The following COBL variants were observed in gnomAD, a reference collection of about 807,000 sequenced individuals.
The protein encoded by COBL is cordon-bleu WH2 repeat protein, also known as protein cordon-bleu.
In COBL, 51 loss-of-function variants were observed where a neutral mutation model predicts 98.8. That is an observed-to-expected ratio of 0.52 (90% CI 0.41 to 0.65). The LOEUF is 0.65. Ranked by LOEUF, COBL falls within the 30% of genes least tolerant of loss-of-function variation. The pLI is 0.00. For missense variants in COBL, 1,617 were observed against 1,617.5 expected (o/e 1.00, Z 0.01); for synonymous variants, 634 against 651.7 (o/e 0.97, Z 0.41).
intron 6 of COBL, among the ~76,000 whole-genome samples, chr7:51,094,237 G>T (rs1437492): frequency 0.56 from 84,819 of 151,452 alleles, 24,347 homozygotes; most frequent in Middle Eastern, 0.69. Context: ...AGAGGAGAGA[G>T]AGGAAAAGAG....
At chr7:51,131,060 T>A (rs1798690953) in intron 6 of COBL, among the ~76,000 whole-genome samples, 1 of 152,212 alleles carries the variant, frequency 6.6e-6, no homozygotes, top group Non-Finnish European at 1.5e-5. Flanking sequence ...TAATAACTGA[T>A]CATAACACAG....
At chr7:51,053,528 G>A (rs984821810) in intron 7 of COBL, among the ~76,000 whole-genome samples, 1 of 152,246 alleles carries the variant, frequency 6.6e-6, no homozygotes, top group Non-Finnish European at 1.5e-5. Flanking sequence ...ACAGAAAAGA[G>A]CATTCTTTGA....
intron 6 of COBL, among the ~76,000 whole-genome samples, chr7:51,090,670 T>G (rs193262706): frequency 3.3e-5 from 5 of 152,298 alleles, no homozygotes; most frequent in Middle Eastern, 3.4e-3. Flanking sequence ...CACAGCTCAG[T>G]GCAATCAAGA....
Position 51,028,999 on chromosome 7 carries a change from GT to G in COBL, c.2096del (p.Tyr699SerfsTer42). ...HQRGQNPGKS[Y>X]RLKHGLTTYK... Reference sequence around the variant, plus strand: ...ACGTTGTGAGGCCGTGCTTAAGTCTGTAGCTTTTCCCTGGGTTTTGGCCTCG... The same window carrying G: ...ACGTTGTGAGGCCGTGCTTAAGTCTGAGCTTTTCCCTGGGTTTTGGCCTCG... On this transcript the variant is annotated frameshift_variant, in exon 10 of 13. Transcript: ENST00000265136. LOFTEE classifies it high-confidence loss of function. The G allele has an allele frequency of 1.2e-6, 2 of 1,614,148 alleles. No homozygotes were observed. Among genetic ancestry groups the G allele is most frequent in the Non-Finnish European group, 1.7e-6 (2 of 1,180,040 alleles).
chr7:51,275,129 A>G (rs764051367), intron 1 of COBL, among the ~76,000 whole-genome samples: 5 of 152,146 alleles, frequency 3.3e-5, no homozygotes, highest in African/African-American at 1.2e-4. Context: ...ACGCACGTGG[A>G]GCCGCTCCAT....
At chr7:51,282,963 A>G (rs1278492791) in intron 1 of COBL, among the ~76,000 whole-genome samples, 1 of 152,202 alleles carries the variant, frequency 6.6e-6, no homozygotes, top group African/African-American at 2.4e-5. Flanking sequence ...ATGGAGAAAG[A>G]GAACTCTGAG....
chr7:51,046,800 G>A (rs774150403), intron 7 of COBL, among the ~76,000 whole-genome samples: 2 of 152,026 alleles, frequency 1.3e-5, no homozygotes, highest in Non-Finnish European at 2.9e-5. Flanking sequence ...AGCGATCCAG[G>A]GACCCCAGCC....
intron 1 of COBL, chr7:51,260,027 G>A (rs535966310): frequency 8.7e-5 from 69 of 792,870 alleles, no homozygotes; most frequent in Admixed American, 3.2e-4. Flanking sequence ...CGTTTAACTT[G>A]AGCCCTTTTC....
Position 51,028,715 on chromosome 7 carries a change from G to T in COBL, c.2381C>A (p.Thr794Asn), listed in dbSNP as rs1787856057. 2 of 1,613,970 alleles carry T rather than the reference G, an allele frequency of 1.2e-6. No individual in the cohort carries two copies. Among genetic ancestry groups the T allele is most frequent in the Non-Finnish European group, 1.7e-6 (2 of 1,179,984 alleles). Residue 794 changes from threonine (T) to asparagine (N), a missense_variant, in exon 10 of 13, where the codon ACC becomes AAC. Physicochemically the swap from Thr to Asn is moderately conservative, Grantham distance 65. Around this residue, in one of 3 missense-constraint regions of COBL, gnomAD observed 1,304 missense variants for 1,282.0 expected, o/e 1.02. Coordinates refer to ENST00000265136, the MANE Select transcript of COBL (RefSeq NM_015198.5). ...SESSARGPPS[T>N]PVPTQTQNPE... is the part of the protein sequence containing the mutation. ...ATTCTGCGTCTGCGTGGGCACAGGG[G>T]TGGAGGGGGGTCCCCTGGCAGAGCT...
At chr7:51,133,911 C>T (rs1357300324) in intron 6 of COBL, among the ~76,000 whole-genome samples, 2 of 152,170 alleles carry the variant, frequency 1.3e-5, no homozygotes, top group Admixed American at 1.3e-4. Flanking sequence ...ACCGTTAGGA[C>T]TTGAAGAAGC....
At chr7:51,243,180 TGGG>T (rs1203224250) in intron 1 of COBL, among the ~76,000 whole-genome samples, 6 of 152,132 alleles carry the variant, frequency 3.9e-5, no homozygotes, top group African/African-American at 1.4e-4. Context: ...CGTGCTGAGG[TGGG>T]GGCTATTCTG....
intron 10 of COBL, among the ~76,000 whole-genome samples, chr7:51,026,982 T>C (rs1011794941): frequency 6.6e-6 from 1 of 152,126 alleles, no homozygotes; most frequent in Non-Finnish European, 1.5e-5. Flanking sequence ...AAGGCACACA[T>C]AAGAATCAAA....
At position 51,119,005 on chromosome 7, in the gene COBL, T is replaced by C. The variant is rs61317738; in HGVS notation, c.957+17153A>G. On this transcript the variant is annotated intron_variant, in intron 6 of 12. Transcript: ENST00000265136. ...TTAGTTTCCTCAGTCCCAGAGTCACTTGAAAACATCTTATTTTCTAATATA... is the reference window on the plus strand; with the variant it reads ...TTAGTTTCCTCAGTCCCAGAGTCACCTGAAAACATCTTATTTTCTAATATA... Among the ~76,000 whole-genome samples the C allele has an allele frequency of 7.5e-3, 1,146 of 152,318 alleles. 8 individuals carry two copies. The highest frequency in any genetic ancestry group is 0.026 in the African/African-American group (1,099 of 41,568).
chr7:51,138,031 A>G (rs1233562106), intron 5 of COBL, among the ~76,000 whole-genome samples: 2 of 152,122 alleles, frequency 1.3e-5, no homozygotes, highest in African/African-American at 2.4e-5. Context: ...TGAGTCACAG[A>G]TTTTCTTGTG....
intron 1 of COBL, among the ~76,000 whole-genome samples, chr7:51,285,883 G>A (rs11971882): frequency 0.011 from 1,636 of 152,278 alleles, 23 homozygotes; most frequent in African/African-American, 0.037. Context: ...TATTGGTGAA[G>A]CAACAGTTAT....
chr7:51,095,573 A>T (rs572389165), intron 6 of COBL, among the ~76,000 whole-genome samples: 4 of 152,178 alleles, frequency 2.6e-5, no homozygotes, highest in Non-Finnish European at 5.9e-5. Context: ...CAAAATATAT[A>T]ATCAAAATAT....
chr7:51,095,031 A>G (rs1795147871), intron 6 of COBL, among the ~76,000 whole-genome samples: 1 of 152,204 alleles, frequency 6.6e-6, no homozygotes, highest in African/African-American at 2.4e-5. Context: ...AAGGAATCAA[A>G]GTCTGTGTAT....
intron 2 of COBL, among the ~76,000 whole-genome samples, chr7:51,217,183 A>G (rs1362425303): frequency 1.3e-5 from 2 of 152,200 alleles, no homozygotes; most frequent in Non-Finnish European, 1.5e-5. Context: ...GGCAACCTCT[A>G]CTTTATAAGG....
intron 1 of COBL, among the ~76,000 whole-genome samples, chr7:51,253,537 T>C (rs1384198747): frequency 3.3e-5 from 5 of 152,218 alleles, no homozygotes; most frequent in Non-Finnish European, 7.3e-5. Flanking sequence ...AAAGGTATCA[T>C]TGCTATTTAT....
Sources: gnomAD v4.1 joint callset for allele counts (sites outside exome capture counted in the v4.1 genomes callset) on GRCh38, gnomAD v4.1.1 for gene constraint, gnomAD v4.1.1 regional missense constraint, MANE v1.5 for transcripts, NCBI Gene and HGNC (gene_info 2026-07-23, HGNC 2026-07-21) for gene names.